The following IQGAP2 variants were observed in gnomAD, a reference collection of about 807,000 sequenced individuals.
IQGAP2 encodes ras GTPase-activating-like protein IQGAP2.
Under a neutral mutation model 201.3 loss-of-function variants are expected in IQGAP2, and 173 were observed. The ratio of observed to expected loss-of-function variants is 0.86; its 90% CI spans 0.76 to 0.98. The LOEUF is 0.98. Ranked by LOEUF, IQGAP2 falls within the 50% of genes least tolerant of loss-of-function variation. The pLI is 0.00. For synonymous variants in IQGAP2, 675 were observed against 673.9 expected, an observed-to-expected ratio of 1.00 and a Z score of -0.03; for missense variants, 1,687 against 1,864.8, an observed-to-expected ratio of 0.90 and a Z score of 1.76.
chr5:76,544,900 C>T (rs1743001484), intron 2 of IQGAP2, among the ~76,000 whole-genome samples: 1 of 151,822 alleles, frequency 6.6e-6, no homozygotes, highest in African/African-American at 2.4e-5. Context: ...TAGTTCTATA[C>T]AGTATGTATG....
chr5:76,449,068 C>G (rs780131525), intron 1 of IQGAP2, among the ~76,000 whole-genome samples: 31 of 152,174 alleles, frequency 2.0e-4, no homozygotes, highest in Non-Finnish European at 3.8e-4. Flanking sequence ...CTCCCTTCAC[C>G]TATTCTGGAG....
chr5:76,410,421 C>T (rs1580132148), intron 1 of IQGAP2, among the ~76,000 whole-genome samples: 1 of 151,764 alleles, frequency 6.6e-6, no homozygotes, highest in East Asian at 1.9e-4. Context: ...AAGAAACACC[C>T]CAAACTTTTC....
chr5:76,534,803 T>A (rs969287008), intron 2 of IQGAP2, among the ~76,000 whole-genome samples: 4 of 152,244 alleles, frequency 2.6e-5, no homozygotes, highest in Non-Finnish European at 4.4e-5. Flanking sequence ...ACTGGGGAAG[T>A]AGCCCAAATC....
intron 8 of IQGAP2, among the ~76,000 whole-genome samples, chr5:76,591,337 A>G (rs1258664010): frequency 1.3e-5 from 2 of 149,626 alleles, no homozygotes; most frequent in East Asian, 1.9e-4. Context: ...TATTTTCCCA[A>G]TAGTCAATCC....
At chr5:76,605,266 TGGAGTGGTTG>T in intron 11 of IQGAP2, among the ~76,000 whole-genome samples, 1 of 152,202 alleles carries the variant, frequency 6.6e-6, no homozygotes, top group South Asian at 2.1e-4. Context: ...AAAAAGTAAT[TGGAGTGGTTG>T]ACTAAACTGT....
At chr5:76,408,950 A>C (rs1750949283) in intron 1 of IQGAP2, among the ~76,000 whole-genome samples, 6 of 151,884 alleles carry the variant, frequency 4.0e-5, no homozygotes, top group Admixed American at 3.9e-4. Flanking sequence ...GCACCACCAC[A>C]CCCAGCTAAT....
Position 76,491,139 on chromosome 5 carries a change from T to C in IQGAP2, c.146+29470T>C, listed in dbSNP as rs114835908. 8.6e-3 allele frequency among the ~76,000 whole-genome samples: 1,315 copies of C among 152,312 alleles called. 15 individuals are homozygous for C. The highest frequency in any genetic ancestry group is 0.031 in the African/African-American group (1,274 of 41,564). The stretch of plus-strand genomic sequence containing the variant: ...TACTTCCTGGAAGATTGTTTCTGTC[T>C]TGCATGTTGTCCTTGCTGTGTTTTA... On this transcript the variant is annotated intron_variant, in intron 2 of 35. Coordinates refer to ENST00000274364, the MANE Select transcript of IQGAP2 (RefSeq NM_006633.5).
At chr5:76,666,985 A>T (rs184541830) in intron 22 of IQGAP2, among the ~76,000 whole-genome samples, 18 of 152,234 alleles carry the variant, frequency 1.2e-4, no homozygotes, top group African/African-American at 4.3e-4. Flanking sequence ...AGCTCAAGTG[A>T]TCCACCCATC....
chr5:76,419,991 G>T (rs182685438), intron 1 of IQGAP2, among the ~76,000 whole-genome samples: 4 of 152,078 alleles, frequency 2.6e-5, no homozygotes, highest in South Asian at 2.1e-4. Context: ...TAAGTTTCTC[G>T]CATTGCCTTT....
rs547155944 is a variant in IQGAP2, at chr5:76,644,295, C to CTTTTTTTTTTTTTTTTTTTTTTTTTT, written c.2094+3214_2094+3215insTTTTTTTTTTTTTTTTTTTTTTTTTT. The stretch of plus-strand genomic sequence containing the variant: ...AATGAGACTGCCATTTTTGTAAATC[C>CTTTTTTTTTTTTTTTTTTTTTTTTTT]TTTTTTTTTTTTTTTTTTTTTTGAG... On this transcript the variant is annotated intron_variant, in intron 17 of 35. Transcript: ENST00000274364. Among the ~76,000 whole-genome samples, 280 of 47,672 alleles carry CTTTTTTTTTTTTTTTTTTTTTTTTTT rather than the reference C, an allele frequency of 5.9e-3. 68 individuals are homozygous for CTTTTTTTTTTTTTTTTTTTTTTTTTT. Among genetic ancestry groups the CTTTTTTTTTTTTTTTTTTTTTTTTTT allele is most frequent in the Non-Finnish European group, 8.5e-3 (194 of 22,944 alleles). 31.3% of individuals were successfully genotyped at this position (47,672 alleles called of 152,430 possible).
At chr5:76,551,693 A>G (rs1386896312) in intron 2 of IQGAP2, among the ~76,000 whole-genome samples, 1 of 152,066 alleles carries the variant, frequency 6.6e-6, no homozygotes, top group Non-Finnish European at 1.5e-5. Context: ...TCTCCACCAA[A>G]AAATGCAAAA....
At chr5:76,590,130 C>T (rs561293019) in intron 7 of IQGAP2, among the ~76,000 whole-genome samples, 1 of 152,330 alleles carries the variant, frequency 6.6e-6, no homozygotes, top group East Asian at 1.9e-4. Context: ...GACTTACCTT[C>T]TAACTCCTGT....
At chr5:76,570,848 T>C (rs1172637388) in intron 4 of IQGAP2, among the ~76,000 whole-genome samples, 191 bp downstream of exon 4, 1 of 152,186 alleles carries the variant, frequency 6.6e-6, no homozygotes, top group Non-Finnish European at 1.5e-5. Flanking sequence ...TGTGCCCAGA[T>C]TGAGAGCAGC....
chr5:76,499,488 A>G (rs769620456), intron 2 of IQGAP2, among the ~76,000 whole-genome samples: 3 of 152,218 alleles, frequency 2.0e-5, no homozygotes, highest in Admixed American at 1.3e-4. Flanking sequence ...TTGGGGCCTG[A>G]GAGGTGTTGC....
chr5:76,481,401 G>A (rs75679786), intron 2 of IQGAP2, among the ~76,000 whole-genome samples: 121 of 145,168 alleles, frequency 8.3e-4, no homozygotes, highest in Non-Finnish European at 1.2e-3. Context: ...TTTTTTTTTC[G>A]AGATGGAGTC....
chr5:76,674,795 A>G lies in IQGAP2; in HGVS notation c.3527+86A>G. Reference sequence around the variant, plus strand: ...CTCTGTGCCCAGAGCTAGAGTGGGCATGGAGGACAGGAACCCCAGGTGGTT... The same window carrying G: ...CTCTGTGCCCAGAGCTAGAGTGGGCGTGGAGGACAGGAACCCCAGGTGGTT... On this transcript the variant is annotated intron_variant, in intron 27 of 35. Coordinates refer to ENST00000274364, the MANE Select transcript of IQGAP2 (RefSeq NM_006633.5). The G allele has an allele frequency of 3.0e-6, 3 of 987,692 alleles. No individual in the cohort carries two copies. The South Asian group carries it at 4.4e-5, about 14-fold the overall frequency. 61.2% of individuals were successfully genotyped at this position (987,692 alleles called of 1,614,324 possible). A position where few individuals can be genotyped will look rare whatever the true frequency, so the allele number is the denominator to read the frequency against.
intron 1 of IQGAP2, among the ~76,000 whole-genome samples, chr5:76,455,750 C>T (rs1417998056): frequency 1.3e-5 from 2 of 152,182 alleles, no homozygotes; most frequent in Non-Finnish European, 2.9e-5. Flanking sequence ...CAATCAGGAA[C>T]TCTAACTCTT....
At chr5:76,463,743 T>C (rs773723251) in intron 2 of IQGAP2, among the ~76,000 whole-genome samples, 1 of 152,202 alleles carries the variant, frequency 6.6e-6, no homozygotes, top group Non-Finnish European at 1.5e-5. Context: ...ATGTACAATT[T>C]TTCCTCTAAG....
At chr5:76,705,965 C>T (rs1580874234) in intron 35 of IQGAP2, among the ~76,000 whole-genome samples, 1 of 152,274 alleles carries the variant, frequency 6.6e-6, no homozygotes, top group Middle Eastern at 3.4e-3. Flanking sequence ...GAGTTGATTT[C>T]CTTTGTTTAT....
Sources: gnomAD v4.1 joint callset for allele counts (sites outside exome capture counted in the v4.1 genomes callset) on GRCh38, gnomAD v4.1.1 for gene constraint, MANE v1.5 for transcripts, NCBI Gene and HGNC (gene_info 2026-07-23, HGNC 2026-07-21) for gene names.